SMAD2: variants seen among roughly 807,000 people sequenced by gnomAD.
SMAD2 encodes MAD homolog 2.
A neutral mutation model predicts 64.4 loss-of-function variants in SMAD2; 8 were observed. That is an observed-to-expected ratio of 0.12 (90% CI 0.07 to 0.22). The LOEUF (loss-of-function observed/expected upper bound fraction) is 0.22, where lower values mean the gene tolerates loss of function less well. Among genes scored for constraint, SMAD2 ranks in the 10% least tolerant of loss-of-function variants. The probability of loss-of-function intolerance (pLI) is 1.00; values close to 1 mark genes in which losing one functional copy is unlikely to be tolerated. For missense variants in SMAD2, 289 were observed against 561.2 expected, an observed-to-expected ratio of 0.51 and a Z score of 4.90; for synonymous variants, 203 against 195.8, an observed-to-expected ratio of 1.04 and a Z score of -0.31.
chr18:47,886,072 G>A (rs1057185938), intron 2 of SMAD2, among the ~76,000 whole-genome samples: 1 of 152,020 alleles, frequency 6.6e-6, no homozygotes, highest in Non-Finnish European at 1.5e-5. Context: ...GGAGATATGG[G>A]GTATCCCAAG....
At chr18:47,913,701 A>G (rs1431391059) in intron 1 of SMAD2, among the ~76,000 whole-genome samples, 1 of 152,220 alleles carries the variant, frequency 6.6e-6, no homozygotes, top group Admixed American at 6.5e-5. Flanking sequence ...CAGGTTAAAA[A>G]CAAATGAAAT....
intron 4 of SMAD2, 129 bp from the exon 5 acceptor site, chr18:47,868,586 T>C (rs1441429149): frequency 7.2e-6 from 5 of 691,602 alleles, no homozygotes; most frequent in Middle Eastern, 3.5e-4. Context: ...CTACTCGATA[T>C]ATACTAGTTA....
chr18:47,816,786 C>T lies in SMAD2; in HGVS notation c.*25041G>A, dbSNP rs1052176352. The T allele has an allele frequency of 2.4e-5, 3 of 126,052 alleles. No individual in the cohort carries two copies. Among genetic ancestry groups the T allele is most frequent in the Admixed American group, 8.7e-5 (1 of 11,478 alleles). The allele number at this position is 126,052 out of a possible 1,614,324, so 7.8% of individuals were successfully genotyped here. ...GGTCTTTTTTTTTTTTTTTTGGAGA[C>T]GTAGTTTTGCACTGTCGCCCAGGCT... On this transcript the variant is annotated 3_prime_UTR_variant, in exon 11 of 11. Transcript: ENST00000262160.
chr18:47,903,416 G>A (rs1033935775), intron 1 of SMAD2, among the ~76,000 whole-genome samples: 9 of 152,112 alleles, frequency 5.9e-5, no homozygotes, highest in Admixed American at 4.6e-4. Flanking sequence ...TGACAGCTGA[G>A]CTATAGAGAA....
rs1389876993 is a variant in SMAD2, at chr18:47,827,257, G to T, written c.*14570C>A. ...CATCCTTAGCATTCTTGTTAAAAAT[G>T]GCCTTTAAGATATTGCTATTCCCAG... is the stretch of plus-strand genomic sequence containing the variant. On this transcript the variant is annotated 3_prime_UTR_variant, in exon 11 of 11. Coordinates refer to ENST00000262160, the MANE Select transcript of SMAD2 (RefSeq NM_005901.6). 6.6e-6 allele frequency: 1 copy of T among 152,038 alleles called. No individual in the cohort carries two copies. Among genetic ancestry groups the T allele is most frequent in the Non-Finnish European group, 1.5e-5 (1 of 68,026 alleles). 9.4% of individuals were successfully genotyped at this position (152,038 alleles called of 1,614,324 possible). A position where few individuals can be genotyped will look rare whatever the true frequency, so the allele number is the denominator to read the frequency against.
At chr18:47,852,073 T>C (rs1008632084) in intron 6 of SMAD2, among the ~76,000 whole-genome samples, 1 of 152,188 alleles carries the variant, frequency 6.6e-6, no homozygotes, top group African/African-American at 2.4e-5. Flanking sequence ...AGTTTTAATT[T>C]TGAGTAGCTT....
chr18:47,863,960 T>C (rs888302125), intron 6 of SMAD2, among the ~76,000 whole-genome samples: 3 of 152,154 alleles, frequency 2.0e-5, no homozygotes, highest in Non-Finnish European at 2.9e-5. Context: ...TTTTTGATTA[T>C]AGCATCTAGT....
rs1912554979 is a variant in SMAD2 at position 47,820,979 on chromosome 18, A to G, written c.*20848T>C. ...CAATGTTAGAACAAGGTTCTTTTTA[A>G]GGATCTGGTCTTAATAAAATTGAAA... On this transcript the variant is annotated 3_prime_UTR_variant, in exon 11 of 11. Coordinates refer to ENST00000262160, the MANE Select transcript of SMAD2 (RefSeq NM_005901.6). The G allele has an allele frequency of 6.6e-6, 1 of 151,618 alleles. No individual in the cohort carries two copies. The highest frequency in any genetic ancestry group is 1.5e-5 in the Non-Finnish European group (1 of 67,926). The allele number at this position is 151,618 out of a possible 1,614,324, so 9.4% of individuals were successfully genotyped here. A position where few individuals can be genotyped will look rare whatever the true frequency, so the allele number is the denominator to read the frequency against.
In SMAD2 at chr18:47,814,514, G is replaced by A. The variant is rs186770880; in HGVS notation, c.*27313C>T. On this transcript the variant is annotated 3_prime_UTR_variant, in exon 11 of 11. Transcript: ENST00000262160. ...TGAGAAGAGTCTCTTCATTAGGCAG[G>A]AGTGGAATGACTCCCAGGGCAGGGA... The A allele has an allele frequency of 4.6e-5, 7 of 152,330 alleles. No homozygotes were observed. In the East Asian group the frequency reaches 1.3e-3, roughly 29 times the overall value. 9.4% of individuals were successfully genotyped at this position (152,330 alleles called of 1,614,324 possible). A position where few individuals can be genotyped will look rare whatever the true frequency, so the allele number is the denominator to read the frequency against.
In SMAD2 at chr18:47,819,446, A is replaced by G. The variant is rs903853520; in HGVS notation, c.*22381T>C. The stretch of plus-strand genomic sequence containing the variant: ...CAGGTAATAAAAATGGTTAACAGGA[A>G]AATAACTTGAAATGACTAGCTATGT... On this transcript the variant is annotated 3_prime_UTR_variant, in exon 11 of 11. Transcript: ENST00000262160. 1.2e-4 allele frequency: 18 copies of G among 152,234 alleles called. No individual in the cohort carries two copies. The highest frequency in any genetic ancestry group is 4.3e-4 in the African/African-American group (18 of 41,460). The allele number at this position is 152,234 out of a possible 1,614,324, so 9.4% of individuals were successfully genotyped here.
At chr18:47,883,634 G>A (rs757103659) in intron 2 of SMAD2, among the ~76,000 whole-genome samples, 4 of 152,070 alleles carry the variant, frequency 2.6e-5, no homozygotes, top group African/African-American at 4.8e-5. Context: ...GTATTTTTAA[G>A]TTCCTTTATT....
chr18:47,847,431 A>T (rs1787185), intron 8 of SMAD2, among the ~76,000 whole-genome samples: 2 of 151,686 alleles, frequency 1.3e-5, no homozygotes, highest in African/African-American at 4.8e-5. Flanking sequence ...GATGAGAATG[A>T]TGTTCAATTA....
intron 2 of SMAD2, chr18:47,878,442 A>G (rs574040632): frequency 6.6e-6 from 1 of 152,278 alleles, no homozygotes; most frequent in African/African-American, 2.4e-5. Context: ...CAGCCTGTGC[A>G]ACAAAGTGAG....
At chr18:47,922,323 C>T (rs1292164297) in intron 1 of SMAD2, among the ~76,000 whole-genome samples, 1 of 152,150 alleles carries the variant, frequency 6.6e-6, no homozygotes. Flanking sequence ...AATCACTGTG[C>T]AGTCAATCCT....
chr18:47,815,462 T>C lies in SMAD2; in HGVS notation c.*26365A>G, dbSNP rs539240113. The C allele has an allele frequency of 1.2e-4, 18 of 152,362 alleles. No homozygotes were observed. The highest frequency in any genetic ancestry group is 4.1e-4 in the African/African-American group (17 of 41,598). 9.4% of individuals were successfully genotyped at this position (152,362 alleles called of 1,614,324 possible). A position where few individuals can be genotyped will look rare whatever the true frequency, so the allele number is the denominator to read the frequency against. ...TGGCTGATAATCATTTTGGGTTTTC[T>C]GAAAATGCAGATCCCAGTGCTCCAA... On this transcript the variant is annotated 3_prime_UTR_variant, in exon 11 of 11. Coordinates refer to ENST00000262160, the MANE Select transcript of SMAD2 (RefSeq NM_005901.6).
intron 2 of SMAD2, among the ~76,000 whole-genome samples, chr18:47,889,782 AAAG>A (rs1394954941): frequency 6.6e-6 from 1 of 152,086 alleles, no homozygotes; most frequent in Non-Finnish European, 1.5e-5. Flanking sequence ...AAAAAAAAAA[AAAG>A]GACTGGAAAC....
At chr18:47,860,608 A>G (rs1355898406) in intron 6 of SMAD2, among the ~76,000 whole-genome samples, 1 of 152,160 alleles carries the variant, frequency 6.6e-6, no homozygotes, top group Admixed American at 6.5e-5. Flanking sequence ...GAAAGAAATA[A>G]TGCCAACCTT....
chr18:47,886,072 G>T (rs1057185938), intron 2 of SMAD2, among the ~76,000 whole-genome samples: 3 of 152,020 alleles, frequency 2.0e-5, no homozygotes, highest in Admixed American at 6.6e-5. Flanking sequence ...GGAGATATGG[G>T]GTATCCCAAG....
At chr18:47,928,815 T>C (rs150506192) in intron 1 of SMAD2, among the ~76,000 whole-genome samples, 2,025 of 152,270 alleles carry the variant, frequency 0.013, 11 homozygotes, top group African/African-American at 0.023. Context: ...AAAATGAACG[T>C]TTCCAATCAC....
Sources: allele counts gnomAD v4.1 joint callset (sites outside exome capture counted in the v4.1 genomes callset), GRCh38; gene constraint gnomAD v4.1.1; transcripts MANE v1.5; gene names NCBI Gene and HGNC (gene_info 2026-07-23, HGNC 2026-07-21).